TENM3: variants seen among roughly 807,000 people sequenced by gnomAD.
TENM3 encodes teneurin-3.
A neutral mutation model predicts 255.1 loss-of-function variants in TENM3; 63 were observed. That is an observed-to-expected ratio of 0.25 (90% CI 0.20 to 0.30). The LOEUF (loss-of-function observed/expected upper bound fraction) is 0.30, where lower values mean the gene tolerates loss of function less well. Ranked by LOEUF, TENM3 falls within the 10% of genes least tolerant of loss-of-function variation. The pLI is 1.00. For missense variants in TENM3, 2,929 were observed against 3,461.1 expected (o/e 0.85, Z 3.86); for synonymous variants, 1,306 against 1,322.3 (o/e 0.99, Z 0.27).
At chr4:182,035,777 A>T in the TENM3 span, among the ~76,000 whole-genome samples, 10 of 152,318 alleles carry the variant, frequency 6.6e-5, no homozygotes, top group South Asian at 1.2e-3. Context: ...AAACACAAAC[A>T]TGATGACGAT....
At chr4:182,144,636 G>T (rs1056357344), upstream of TENM3, 4 of 146,380 alleles carry the variant, frequency 2.7e-5, no homozygotes, top group African/African-American at 1.0e-4. Flanking sequence ...CCTCGGCGGG[G>T]CCCCCCTCCC....
intron 3 of TENM3, among the ~76,000 whole-genome samples, chr4:182,355,336 T>C (rs2150732964): frequency 6.6e-6 from 1 of 152,302 alleles, no homozygotes; most frequent in South Asian, 2.1e-4. Context: ...ATGGTGATGC[T>C]AAGGGATTTG....
intron 3 of TENM3, among the ~76,000 whole-genome samples, chr4:182,463,108 G>C (rs374048234): frequency 4.6e-5 from 7 of 152,186 alleles, no homozygotes; most frequent in African/African-American, 1.7e-4. Flanking sequence ...TCGTGTACAT[G>C]GTCCCAGCTG....
At chr4:182,781,760 A>G (rs1295998665) in intron 24 of TENM3, among the ~76,000 whole-genome samples, 1 of 147,368 alleles carries the variant, frequency 6.8e-6, no homozygotes, top group Non-Finnish European at 1.5e-5. Context: ...CAGAGATTCA[A>G]CTTCTTCCTG....
intron 3 of TENM3, among the ~76,000 whole-genome samples, chr4:182,541,074 G>A (rs1365113787): frequency 2.6e-5 from 4 of 152,132 alleles, no homozygotes; most frequent in East Asian, 1.9e-4. Flanking sequence ...AACTAAAACC[G>A]CTAAGAGTTT....
chr4:182,092,123 C>T, the TENM3 span, among the ~76,000 whole-genome samples: 6 of 151,078 alleles, frequency 4.0e-5, no homozygotes, highest in Non-Finnish European at 5.9e-5. Flanking sequence ...GTGGATCACT[C>T]GAGGTCAGGA....
chr4:182,189,079 C>T (rs776875452), intron 1 of TENM3, among the ~76,000 whole-genome samples: 69 of 151,890 alleles, frequency 4.5e-4, no homozygotes, highest in Admixed American at 2.4e-3. Context: ...ATTAAATAAT[C>T]AAAATATAAA....
chr4:182,557,369 T>TG (rs1182602848), intron 3 of TENM3, among the ~76,000 whole-genome samples: 3 of 152,200 alleles, frequency 2.0e-5, no homozygotes, highest in African/African-American at 7.2e-5. Context: ...TGTCTGTAAG[T>TG]AAACTGTGAT....
chr4:182,387,011 T>G (rs112246297), intron 3 of TENM3, among the ~76,000 whole-genome samples: 26,900 of 152,220 alleles, frequency 0.18, 3,183 homozygotes, highest in Non-Finnish European at 0.26. Context: ...CCAGCTGGCC[T>G]CCTGAGTCTG....
the TENM3 span, among the ~76,000 whole-genome samples, chr4:181,677,929 C>T: frequency 3.9e-5 from 6 of 152,088 alleles, no homozygotes; most frequent in African/African-American, 7.2e-5. Flanking sequence ...AATTTCCTTT[C>T]GCCAGAAAAC....
At chr4:182,538,496 G>A (rs1740554957) in intron 3 of TENM3, among the ~76,000 whole-genome samples, 2 of 152,192 alleles carry the variant, frequency 1.3e-5, no homozygotes, top group South Asian at 4.1e-4. Context: ...AGCCTGACAT[G>A]TTTGAGGAAT....
intron 3 of TENM3, among the ~76,000 whole-genome samples, chr4:182,526,042 C>T (rs781382164): frequency 6.6e-6 from 1 of 152,068 alleles, no homozygotes; most frequent in African/African-American, 2.4e-5. Flanking sequence ...TGCAGTGGTG[C>T]GATCTCGGCT....
At chr4:181,730,139 C>T in the TENM3 span, among the ~76,000 whole-genome samples, 14 of 152,104 alleles carry the variant, frequency 9.2e-5, no homozygotes, top group South Asian at 2.1e-4. Flanking sequence ...AAGCTATACA[C>T]GCGTTTGAGG....
intron 3 of TENM3, among the ~76,000 whole-genome samples, chr4:182,423,854 G>A (rs774413528): frequency 3.3e-5 from 5 of 151,956 alleles, no homozygotes; most frequent in Admixed American, 6.5e-5. Context: ...TTGCTTTCAC[G>A]TAAGTTCAGC....
At chr4:181,754,286 A>T in the TENM3 span, among the ~76,000 whole-genome samples, 11 of 109,266 alleles carry the variant, frequency 1.0e-4, no homozygotes, top group African/African-American at 5.8e-4. Flanking sequence ...TATCCCAGTC[A>T]CACACACACA....
At chr4:182,586,901 A>G (rs937458902) in intron 3 of TENM3, among the ~76,000 whole-genome samples, 23 of 152,352 alleles carry the variant, frequency 1.5e-4, no homozygotes, top group African/African-American at 5.5e-4. Flanking sequence ...TTGAGAAGCA[A>G]GATCAGTAGC....
the TENM3 span, among the ~76,000 whole-genome samples, chr4:181,513,391 GAAC>G: frequency 6.6e-6 from 1 of 152,150 alleles, no homozygotes; most frequent in East Asian, 1.9e-4. Flanking sequence ...GCCAGAAGCA[GAAC>G]AACTAGAACT....
the TENM3 span, among the ~76,000 whole-genome samples, chr4:182,123,212 A>C: frequency 2.0e-5 from 3 of 152,182 alleles, no homozygotes; most frequent in Admixed American, 6.5e-5. Flanking sequence ...CCACTACAAC[A>C]TTCTCTGTAT....
chr4:181,546,034 C>A, the TENM3 span, among the ~76,000 whole-genome samples: 7 of 152,298 alleles, frequency 4.6e-5, no homozygotes, highest in South Asian at 1.5e-3. Flanking sequence ...CTTTCACACA[C>A]GGCCTGTTAT....
Sources: allele counts gnomAD v4.1 joint callset (sites outside exome capture counted in the v4.1 genomes callset), GRCh38; gene constraint gnomAD v4.1.1; transcripts MANE v1.5; gene names NCBI Gene and HGNC (gene_info 2026-07-23, HGNC 2026-07-21).